ARHGAP42: variants seen among roughly 807,000 people sequenced by gnomAD.
ARHGAP42 encodes Rho GTPase activating protein 42, also known as rho GTPase-activating protein 42.
In ARHGAP42, 63 loss-of-function variants were observed where a neutral mutation model predicts 125.0. The observed-to-expected ratio is 0.50, with a 90% CI of 0.41 to 0.62. The LOEUF is 0.62. Among genes scored for constraint, ARHGAP42 ranks in the 20% least tolerant of loss-of-function variants. ARHGAP42 has a pLI of 0.00. For missense variants in ARHGAP42, 766 were observed against 1,024.2 expected, an observed-to-expected ratio of 0.75 and a Z score of 3.44; for synonymous variants, 339 against 351.0, an observed-to-expected ratio of 0.97 and a Z score of 0.38.
At chr11:100,728,389 A>T (rs1861898022) in intron 1 of ARHGAP42, among the ~76,000 whole-genome samples, 1 of 152,088 alleles carries the variant, frequency 6.6e-6, no homozygotes, top group African/African-American at 2.4e-5. Flanking sequence ...GGGCTTACTG[A>T]CTAGAAAGTC....
At chr11:100,813,182 C>G (rs554002379) in intron 3 of ARHGAP42, among the ~76,000 whole-genome samples, 1 of 151,832 alleles carries the variant, frequency 6.6e-6, no homozygotes, top group African/African-American at 2.4e-5. Flanking sequence ...TCCACCTCAG[C>G]ACTGTTGATA....
In ARHGAP42 at chr11:100,928,688, T is replaced by G. The variant is rs1418406326; in HGVS notation, c.598-4468T>G. Among the ~76,000 whole-genome samples the G allele has an allele frequency of 2.0e-5, 3 of 152,186 alleles. No individual in the cohort carries two copies. The East Asian group carries it at 5.8e-4, about 29-fold the overall frequency. On this transcript the variant is annotated intron_variant, in intron 6 of 23. Transcript: ENST00000298815. Reference sequence around the variant, plus strand: ...GAACTTTAGTATATTCACAGATCTGTGCAACGATCACCACAAAAAAATTTA... The same window carrying G: ...GAACTTTAGTATATTCACAGATCTGGGCAACGATCACCACAAAAAAATTTA...
In ARHGAP42 at chr11:100,976,271, A is replaced by T; in HGVS notation, c.2070A>T (p.Glu690Asp). Reference sequence around the variant, plus strand: ...CTAGTCCTGAATCAAGTTCCAGAGAAGATGCAACCAAGACAGATGCAGAAT... The same window carrying T: ...CTAGTCCTGAATCAAGTTCCAGAGATGATGCAACCAAGACAGATGCAGAAT... ...WTTSPESSSREDATKTDAESD... is the reference protein window; with the variant it reads ...WTTSPESSSRDDATKTDAESD... The change falls in exon 20 of 24, where the codon GAA becomes GAT. Residue 690 changes from glutamate to aspartate, a missense_variant. By Grantham distance (45) the Glu-to-Asp change is conservative. Coordinates refer to ENST00000298815, the MANE Select transcript of ARHGAP42 (RefSeq NM_152432.4). 2 of 1,551,704 alleles carry T rather than the reference A, an allele frequency of 1.3e-6. No homozygotes were observed.
chr11:100,774,395 T>G (rs1863059785), intron 2 of ARHGAP42, among the ~76,000 whole-genome samples: 2 of 152,218 alleles, frequency 1.3e-5, no homozygotes, highest in Admixed American at 6.5e-5. Flanking sequence ...TTTATTGCTC[T>G]GATTTAATGA....
chr11:100,944,410 G>T (rs1867963003), intron 10 of ARHGAP42, among the ~76,000 whole-genome samples: 1 of 151,946 alleles, frequency 6.6e-6, no homozygotes, highest in East Asian at 1.9e-4. Context: ...AATAAGAATG[G>T]GTATGCTTCT....
At chr11:100,891,970 C>T (rs1266355426) in intron 4 of ARHGAP42, among the ~76,000 whole-genome samples, 1 of 152,082 alleles carries the variant, frequency 6.6e-6, no homozygotes, top group African/African-American at 2.4e-5. Context: ...AGAGCATAGG[C>T]ATAGTAGGCA....
intron 6 of ARHGAP42, among the ~76,000 whole-genome samples, chr11:100,930,213 C>A (rs1418307382): frequency 6.6e-6 from 1 of 152,202 alleles, no homozygotes; most frequent in East Asian, 1.9e-4. Context: ...CCCAGCCATT[C>A]AGGCAGATTC....
intron 1 of ARHGAP42, among the ~76,000 whole-genome samples, chr11:100,699,360 G>A (rs1490688770): frequency 6.6e-6 from 1 of 150,542 alleles, no homozygotes; most frequent in Non-Finnish European, 1.5e-5. Context: ...CATTTTGTTA[G>A]CCCTGCAATT....
Position 100,880,955 on chromosome 11 carries a change from G to C in ARHGAP42, c.384+21330G>C, listed in dbSNP as rs619947. ...TTTTTGATAGGATTTTTTTTTTCTT[G>C]CTAATTTGTTTGACTTCATTGTAGA... On this transcript the variant is annotated intron_variant, in intron 4 of 23. Transcript: ENST00000298815. Among the ~76,000 whole-genome samples the C allele has an allele frequency of 9.8e-3, 1,463 of 149,944 alleles. 28 individuals carry two copies. Among genetic ancestry groups the C allele is most frequent in the African/African-American group, 0.034 (1,368 of 40,804 alleles).
chr11:100,793,778 A>G (rs1424374525), intron 2 of ARHGAP42, among the ~76,000 whole-genome samples: 1 of 152,180 alleles, frequency 6.6e-6, no homozygotes, highest in Non-Finnish European at 1.5e-5. Flanking sequence ...AATCTAACAA[A>G]TAAGGCTGTA....
chr11:100,737,681 G>C (rs977916107), intron 1 of ARHGAP42, among the ~76,000 whole-genome samples: 1 of 152,202 alleles, frequency 6.6e-6, no homozygotes, highest in Non-Finnish European at 1.5e-5. Flanking sequence ...GTCAGGCCCA[G>C]CAATTGCCCT....
chr11:100,904,645 C>A (rs1866671597), intron 4 of ARHGAP42, among the ~76,000 whole-genome samples: 1 of 152,208 alleles, frequency 6.6e-6, no homozygotes, highest in South Asian at 2.1e-4. Context: ...TCCCACCTGA[C>A]CTCCCCACCT....
intron 1 of ARHGAP42, among the ~76,000 whole-genome samples, chr11:100,755,330 A>G (rs1438086315): frequency 6.6e-6 from 1 of 152,242 alleles, no homozygotes; most frequent in African/African-American, 2.4e-5. Flanking sequence ...TCCCTGCACT[A>G]CACAACATCT....
intron 7 of ARHGAP42, among the ~76,000 whole-genome samples, chr11:100,935,656 T>TCTCA (rs1867716065): frequency 7.1e-6 from 1 of 140,564 alleles, no homozygotes; most frequent in South Asian, 2.3e-4. Context: ...AGGAAGAAGG[T>TCTCA]CACACACACA....
chr11:100,961,740 A>G lies in ARHGAP42; in HGVS notation c.1357A>G (p.Ile453Val). Residue 453 changes from isoleucine (I) to valine (V), a missense_variant, in exon 15 of 24, where the codon ATA becomes GTA. By Grantham distance (29) the Ile-to-Val change is conservative. Coordinates refer to ENST00000298815, the MANE Select transcript of ARHGAP42 (RefSeq NM_152432.4). ...TATTGAACTGTGGGACAATAAGACGATAACAAGTGGGCTGAAAAACTACCT... is the reference window on the plus strand; with the variant it reads ...TATTGAACTGTGGGACAATAAGACGGTAACAAGTGGGCTGAAAAACTACCT... ...IDIELWDNKT[I>V]TSGLKNYLRC... is the part of the protein sequence containing the mutation. 6.4e-7 allele frequency: 1 copy of G among 1,551,840 alleles called. No homozygotes were observed. Among genetic ancestry groups the G allele is most frequent in the Non-Finnish European group, 8.7e-7 (1 of 1,146,894 alleles).
At chr11:100,725,760 A>T (rs977130756) in intron 1 of ARHGAP42, among the ~76,000 whole-genome samples, 1 of 151,604 alleles carries the variant, frequency 6.6e-6, no homozygotes, top group African/African-American at 2.4e-5. Flanking sequence ...ACACAGTGAA[A>T]CCCCCTCTGT....
rs143931738 is a variant in ARHGAP42, at chr11:100,991,604, T to C, written c.*2803T>C. The C allele has an allele frequency of 6.6e-6, 1 of 152,308 alleles. No individual in the cohort carries two copies. The highest frequency in any genetic ancestry group is 1.5e-5 in the Non-Finnish European group (1 of 68,014). 9.4% of individuals were successfully genotyped at this position (152,308 alleles called of 1,614,324 possible). A position where few individuals can be genotyped will look rare whatever the true frequency, so the allele number is the denominator to read the frequency against. ...TTTGTGTGTTTCACAGATGACTCTC[T>C]TGTTTTGCCGTAATGCTACCAAGTT... is the stretch of plus-strand genomic sequence containing the variant. On this transcript the variant is annotated 3_prime_UTR_variant, in exon 24 of 24. Transcript: ENST00000298815.
intron 3 of ARHGAP42, among the ~76,000 whole-genome samples, chr11:100,841,764 G>A (rs1864952108): frequency 6.6e-6 from 1 of 152,118 alleles, no homozygotes; most frequent in South Asian, 2.1e-4. Flanking sequence ...AGGGGTTGGA[G>A]GCGGTTGAGG....
At chr11:100,694,213 A>G (rs1861238718) in intron 1 of ARHGAP42, among the ~76,000 whole-genome samples, 2 of 152,114 alleles carry the variant, frequency 1.3e-5, no homozygotes, top group South Asian at 2.1e-4. Flanking sequence ...GATTACAGGC[A>G]TGATCCATAG....
Sources: gnomAD v4.1 joint callset for allele counts (sites outside exome capture counted in the v4.1 genomes callset) on GRCh38, gnomAD v4.1.1 for gene constraint, MANE v1.5 for transcripts, NCBI Gene and HGNC (gene_info 2026-07-23, HGNC 2026-07-21) for gene names.